Variants in SERGEF observed in about 807,000 individuals in gnomAD.
The protein encoded by SERGEF is secretion regulating guanine nucleotide exchange factor, also known as secretion-regulating guanine nucleotide exchange factor.
Under a neutral mutation model 50.0 loss-of-function variants are expected in SERGEF, and 51 were observed. The observed-to-expected ratio is 1.02, with a 90% CI of 0.81 to 1.29. The LOEUF is 1.29. SERGEF is among the 50% of genes most tolerant of loss of function. The probability of loss-of-function intolerance (pLI) is 0.00; values close to 1 mark genes in which losing one functional copy is unlikely to be tolerated. For synonymous variants in SERGEF, 205 were observed against 212.4 expected (o/e 0.97, Z 0.30); for missense variants, 521 against 557.0 (o/e 0.94, Z 0.65).
chr11:17,918,565 G>C (rs978825865), intron 9 of SERGEF: 3 of 282,240 alleles, frequency 1.1e-5, no homozygotes, highest in African/African-American at 7.0e-5. Flanking sequence ...GGTGCTGTAG[G>C]TGAAAATGTC....
intron 10 of SERGEF, among the ~76,000 whole-genome samples, chr11:17,845,650 A>AT (rs60278608): frequency 2.6e-4 from 40 of 151,972 alleles, no homozygotes; most frequent in Non-Finnish European, 4.7e-4. Flanking sequence ...TGAGATTTTC[A>AT]TTTTTTTTCC....
intron 10 of SERGEF, among the ~76,000 whole-genome samples, chr11:17,815,719 C>T (rs747955666): frequency 6.6e-6 from 1 of 151,616 alleles, no homozygotes; most frequent in African/African-American, 2.4e-5. Context: ...GTCAAGAGAT[C>T]GAGACCATCC....
intron 10 of SERGEF, among the ~76,000 whole-genome samples, chr11:17,810,700 G>A (rs1274723493): frequency 6.6e-6 from 1 of 151,912 alleles, no homozygotes; most frequent in African/African-American, 2.4e-5. Flanking sequence ...CCTCCACTGT[G>A]CTTAGCACAG....
At chr11:17,947,977 G>A (rs1177455161) in intron 9 of SERGEF, among the ~76,000 whole-genome samples, 1 of 147,110 alleles carries the variant, frequency 6.8e-6, no homozygotes, top group Non-Finnish European at 1.5e-5. Flanking sequence ...TTCTGAGACG[G>A]AGTCTTGTTC....
chr11:17,795,436 T>C (rs1849556888), intron 10 of SERGEF, among the ~76,000 whole-genome samples: 1 of 152,186 alleles, frequency 6.6e-6, no homozygotes, highest in South Asian at 2.1e-4. Context: ...CTATCCTTTA[T>C]GCTGAGGCTG....
At chr11:17,870,846 C>T (rs545332608) in intron 10 of SERGEF, among the ~76,000 whole-genome samples, 1 of 152,148 alleles carries the variant, frequency 6.6e-6, no homozygotes, top group South Asian at 2.1e-4. Flanking sequence ...TATAAAGCTA[C>T]AATAATCAAG....
chr11:17,988,885 G>T, intron 7 of SERGEF, 130 bp from the exon 8 acceptor site: 2 of 802,080 alleles, frequency 2.5e-6, no homozygotes, highest in Non-Finnish European at 1.8e-6. Context: ...GTTGAGTGGA[G>T]CCAAGCAGGT....
chr11:17,842,398 T>A (rs557959081), intron 10 of SERGEF, among the ~76,000 whole-genome samples: 1 of 152,174 alleles, frequency 6.6e-6, no homozygotes, highest in Non-Finnish European at 1.5e-5. Flanking sequence ...CTTCTATAGA[T>A]GAAGACACCA....
At chr11:17,998,488 T>A (rs959036450) in intron 5 of SERGEF, among the ~76,000 whole-genome samples, 10 of 92,108 alleles carry the variant, frequency 1.1e-4, no homozygotes, top group African/African-American at 4.3e-4. Context: ...TATATATATA[T>A]GCATGTGTGA....
intron 9 of SERGEF, among the ~76,000 whole-genome samples, chr11:17,911,946 T>C (rs1851962598): frequency 6.6e-6 from 1 of 152,160 alleles, no homozygotes; most frequent in Non-Finnish European, 1.5e-5. Context: ...TTTAAAAAAA[T>C]GACAAATTTA....
At chr11:17,956,680 C>T (rs971307676) in intron 9 of SERGEF, among the ~76,000 whole-genome samples, 4 of 152,080 alleles carry the variant, frequency 2.6e-5, no homozygotes, top group Non-Finnish European at 5.9e-5. Context: ...CTATCTGAGA[C>T]ACCAGACAAT....
intron 8 of SERGEF, among the ~76,000 whole-genome samples, chr11:17,982,071 T>C (rs1176586402): frequency 2.0e-5 from 3 of 152,072 alleles, no homozygotes; most frequent in Non-Finnish European, 4.4e-5. Context: ...TCCCAAAGTG[T>C]TGGAATTACA....
intron 10 of SERGEF, among the ~76,000 whole-genome samples, chr11:17,789,035 C>T (rs1449686469): frequency 1.3e-5 from 2 of 152,352 alleles, no homozygotes; most frequent in South Asian, 2.1e-4. Flanking sequence ...TCACCCTGCA[C>T]AACTCTTGCC....
intron 5 of SERGEF, among the ~76,000 whole-genome samples, chr11:17,996,176 CCTT>C (rs1853834006): frequency 1.3e-5 from 2 of 152,164 alleles, no homozygotes; most frequent in African/African-American, 4.8e-5. Context: ...CCAGGACACT[CCTT>C]CAGAGTCAAA....
intron 10 of SERGEF, among the ~76,000 whole-genome samples, chr11:17,829,108 G>A (rs2133851543): frequency 6.6e-6 from 1 of 152,358 alleles, no homozygotes; most frequent in Non-Finnish European, 1.5e-5. Flanking sequence ...AAGAAACCTA[G>A]TAGGACAGTG....
intron 10 of SERGEF, among the ~76,000 whole-genome samples, chr11:17,868,841 A>G (rs1851080243): frequency 6.6e-6 from 1 of 152,194 alleles, no homozygotes; most frequent in East Asian, 1.9e-4. Context: ...TAAAACCATC[A>G]GATCTCGTGA....
intron 10 of SERGEF, among the ~76,000 whole-genome samples, chr11:17,852,728 C>T (rs775090988): frequency 1.3e-5 from 2 of 152,210 alleles, no homozygotes; most frequent in African/African-American, 4.8e-5. Flanking sequence ...TTTACATAAA[C>T]ACTTTCCTAG....
intron 10 of SERGEF, among the ~76,000 whole-genome samples, chr11:17,792,529 C>T (rs1049697710): frequency 3.3e-5 from 5 of 152,336 alleles, no homozygotes; most frequent in Admixed American, 1.3e-4. Context: ...GAGGAAGCTA[C>T]GCCTGGGACC....
At chr11:17,907,615 C>A (rs1851874082) in intron 9 of SERGEF, among the ~76,000 whole-genome samples, 4 of 152,200 alleles carry the variant, frequency 2.6e-5, no homozygotes, top group Non-Finnish European at 5.9e-5. Context: ...TCCCCAGGTA[C>A]CACTCTTGGA....
Sources: gnomAD v4.1 joint callset for allele counts (sites outside exome capture counted in the v4.1 genomes callset) on GRCh38, gnomAD v4.1.1 for gene constraint, MANE v1.5 for transcripts, NCBI Gene and HGNC (gene_info 2026-07-23, HGNC 2026-07-21) for gene names.